FAM117A: variants seen among roughly 807,000 people sequenced by gnomAD.
FAM117A encodes the protein family with sequence similarity 117 member A.
A neutral mutation model predicts 44.1 loss-of-function variants in FAM117A; 21 were observed. The observed-to-expected ratio is 0.48, with a 90% CI of 0.34 to 0.69. The LOEUF (loss-of-function observed/expected upper bound fraction) is 0.69. Among genes scored for constraint, FAM117A ranks in the 30% least tolerant of loss-of-function variants. FAM117A has a pLI of 0.01. For missense variants in FAM117A, 498 were observed against 589.9 expected, an observed-to-expected ratio of 0.84 and a Z score of 1.61; for synonymous variants, 220 against 238.3, an observed-to-expected ratio of 0.92 and a Z score of 0.71.
At chr17:49,736,844 C>G (rs1300057408) in intron 1 of FAM117A, among the ~76,000 whole-genome samples, 1 of 152,228 alleles carries the variant, frequency 6.6e-6, no homozygotes, top group Middle Eastern at 3.2e-3. Flanking sequence ...TTGTACTCTT[C>G]TAGTAATGAG....
upstream of FAM117A, chr17:49,788,714 A>G (rs16948371): frequency 7.2e-6 from 8 of 1,104,384 alleles, no homozygotes; most frequent in Non-Finnish European, 1.0e-5. Flanking sequence ...GGCAGGAGGC[A>G]CTAGGGATCG....
chr17:49,722,613 A>T lies in FAM117A; in HGVS notation c.367-19T>A. ...GGGGCGTCTGCAGGGAGAGAAACACAGTGAGACACAGCAGCTTCTTTGGCA... is the reference window on the plus strand; with the variant it reads ...GGGGCGTCTGCAGGGAGAGAAACACTGTGAGACACAGCAGCTTCTTTGGCA... On this transcript the variant is annotated intron_variant, in intron 2 of 7. Transcript: ENST00000240364. 1 of 1,604,466 alleles carries T rather than the reference A, an allele frequency of 6.2e-7. No individual in the cohort carries two copies. Among genetic ancestry groups the T allele is most frequent in the East Asian group, 2.2e-5 (1 of 44,730 alleles).
chr17:49,774,579 C>T (rs2073770700), intron 1 of FAM117A, among the ~76,000 whole-genome samples: 3 of 151,872 alleles, frequency 2.0e-5, no homozygotes, highest in Middle Eastern at 3.4e-3. Flanking sequence ...AGGATGGGCT[C>T]AAACTCCTGA....
intron 7 of FAM117A, among the ~76,000 whole-genome samples, chr17:49,715,842 T>A (rs1034312258): frequency 6.6e-6 from 1 of 152,162 alleles, no homozygotes; most frequent in Non-Finnish European, 1.5e-5. Flanking sequence ...GATTATGGTC[T>A]AGCAAATTCT....
At chr17:49,787,641 C>A (rs1407057039) in intron 1 of FAM117A, among the ~76,000 whole-genome samples, 2 of 152,318 alleles carry the variant, frequency 1.3e-5, no homozygotes, top group Non-Finnish European at 2.9e-5. Flanking sequence ...TCCACCCAGT[C>A]GCAATTGGTC....
chr17:49,785,703 C>A (rs1343797225), intron 1 of FAM117A, among the ~76,000 whole-genome samples: 1 of 152,054 alleles, frequency 6.6e-6, no homozygotes, highest in African/African-American at 2.4e-5. Context: ...GAATTATCTA[C>A]CAAATTGTAC....
At chr17:49,715,823 T>G (rs995699973) in intron 7 of FAM117A, among the ~76,000 whole-genome samples, 1 of 152,150 alleles carries the variant, frequency 6.6e-6, no homozygotes, top group African/African-American at 2.4e-5. Context: ...GCTCTCGCTC[T>G]CTCTCTCTGA....
chr17:49,761,280 T>C (rs1014461028), intron 1 of FAM117A, among the ~76,000 whole-genome samples: 1 of 152,184 alleles, frequency 6.6e-6, no homozygotes, highest in African/African-American at 2.4e-5. Flanking sequence ...GGAATAAAAA[T>C]GCAAGAGGAG....
At chr17:49,757,640 CTG>C (rs1235453283) in intron 1 of FAM117A, among the ~76,000 whole-genome samples, 1 of 152,186 alleles carries the variant, frequency 6.6e-6, no homozygotes, top group East Asian at 1.9e-4. Flanking sequence ...CTCCACACGA[CTG>C]GAGAAAATGG....
chr17:49,716,080 G>T, intron 7 of FAM117A, 85 bp downstream of exon 7: 1 of 1,479,384 alleles, frequency 6.8e-7, no homozygotes, highest in Non-Finnish European at 9.3e-7. Context: ...ACACCTCTAT[G>T]ACAAGAGAGA....
At chr17:49,758,155 C>T (rs755360458) in intron 1 of FAM117A, among the ~76,000 whole-genome samples, 36 of 150,618 alleles carry the variant, frequency 2.4e-4, no homozygotes, top group Admixed American at 2.3e-3. Context: ...ATGGTGAAAC[C>T]CCCGTCTCTA....
intron 7 of FAM117A, among the ~76,000 whole-genome samples, chr17:49,711,857 A>T (rs1432883505): frequency 6.6e-6 from 1 of 152,252 alleles, no homozygotes; most frequent in Non-Finnish European, 1.5e-5. Context: ...GAAAGATTTC[A>T]TCAGTGGCCG....
intron 1 of FAM117A, among the ~76,000 whole-genome samples, chr17:49,755,682 TAGG>T (rs1479331196): frequency 2.6e-5 from 4 of 152,190 alleles, no homozygotes; most frequent in African/African-American, 9.7e-5. Flanking sequence ...CCAGGATGAA[TAGG>T]AGACCAGTGA....
chr17:49,716,773 G>A (rs931332119), intron 6 of FAM117A, among the ~76,000 whole-genome samples: 8 of 152,168 alleles, frequency 5.3e-5, no homozygotes, highest in Non-Finnish European at 8.8e-5. Context: ...AACCCCACTT[G>A]TAGGATAAAA....
upstream of FAM117A, among the ~76,000 whole-genome samples, chr17:49,767,434 C>T (rs906072222): frequency 1.3e-5 from 2 of 152,228 alleles, no homozygotes; most frequent in African/African-American, 4.8e-5. Context: ...AGGCACTGAG[C>T]TCTGAATGAC....
At chr17:49,757,940 G>C (rs971901873) in intron 1 of FAM117A, among the ~76,000 whole-genome samples, 2 of 152,176 alleles carry the variant, frequency 1.3e-5, no homozygotes, top group Non-Finnish European at 2.9e-5. Flanking sequence ...AACCCAAGAA[G>C]AGACTGTCCA....
At chr17:49,722,379 G>A in intron 3 of FAM117A, 120 bp downstream of exon 3, 2 of 800,626 alleles carry the variant, frequency 2.5e-6, no homozygotes, top group Non-Finnish European at 4.0e-6. Flanking sequence ...TCAGGAAAAG[G>A]CCAGGTCAAG....
At chr17:49,747,429 T>C (rs1202212105) in intron 1 of FAM117A, among the ~76,000 whole-genome samples, 2 of 152,162 alleles carry the variant, frequency 1.3e-5, no homozygotes, top group Non-Finnish European at 2.9e-5. Context: ...CCTGACTGAT[T>C]CATTTTGCTC....
At chr17:49,757,735 G>C (rs1359933860) in intron 1 of FAM117A, among the ~76,000 whole-genome samples, 3 of 152,216 alleles carry the variant, frequency 2.0e-5, no homozygotes, top group African/African-American at 7.2e-5. Context: ...AATAATGTGA[G>C]TAGATTTGGC....
Sources: gnomAD v4.1 joint callset for allele counts (sites outside exome capture counted in the v4.1 genomes callset) on GRCh38, gnomAD v4.1.1 for gene constraint, MANE v1.5 for transcripts, NCBI Gene and HGNC (gene_info 2026-07-23, HGNC 2026-07-21) for gene names.